The following FRAS1 variants were observed in gnomAD, a reference collection of about 807,000 sequenced individuals.
FRAS1 encodes the protein Fraser extracellular matrix complex subunit 1.
FRAS1 carries 290 observed loss-of-function variants against 435.2 expected under a neutral mutation model. That is an observed-to-expected ratio of 0.67 (90% confidence interval 0.61 to 0.73). FRAS1 has a LOEUF of 0.73. Among genes scored for constraint, FRAS1 ranks in the 30% least tolerant of loss-of-function variants. The pLI is 0.00. For synonymous variants in FRAS1, 1,800 were observed against 1,851.0 expected (o/e 0.97, Z 0.71); for missense variants, 4,860 against 5,001.5 (o/e 0.97, Z 0.85).
chr4:78,102,920 G>T (rs981020938), intron 2 of FRAS1, among the ~76,000 whole-genome samples: 2 of 152,148 alleles, frequency 1.3e-5, no homozygotes, highest in African/African-American at 4.8e-5. Context: ...TTTGGAAATG[G>T]CATGGGGTGT....
At chr4:78,180,114 A>C (rs2867001) in intron 2 of FRAS1, among the ~76,000 whole-genome samples, 1 of 152,186 alleles carries the variant, frequency 6.6e-6, no homozygotes, top group African/African-American at 2.4e-5. Flanking sequence ...ATTCAACAAC[A>C]AATTGAGCAT....
intron 2 of FRAS1, chr4:78,181,916 C>G: frequency 6.2e-7 from 1 of 1,609,794 alleles, no homozygotes; most frequent in Non-Finnish European, 8.5e-7. Context: ...CCCAACGCCA[C>G]CCCTGCCGGC....
intron 14 of FRAS1, among the ~76,000 whole-genome samples, chr4:78,306,991 T>C (rs1728761835): frequency 6.6e-6 from 1 of 152,218 alleles, no homozygotes; most frequent in African/African-American, 2.4e-5. Flanking sequence ...CCCATCTTCG[T>C]GGTTTTATCT....
chr4:78,502,416 C>G (rs890165821), intron 61 of FRAS1, among the ~76,000 whole-genome samples: 1 of 152,258 alleles, frequency 6.6e-6, no homozygotes, highest in South Asian at 2.1e-4. Context: ...TTGTAGTTCT[C>G]CTTGAAGAGG....
At chr4:78,177,815 G>A (rs534545926) in intron 2 of FRAS1, among the ~76,000 whole-genome samples, 2 of 152,206 alleles carry the variant, frequency 1.3e-5, no homozygotes, top group Non-Finnish European at 2.9e-5. Context: ...TGAACACTGT[G>A]TATTACTTCC....
chr4:78,059,152 C>T (rs546233742), intron 1 of FRAS1, among the ~76,000 whole-genome samples: 2 of 152,258 alleles, frequency 1.3e-5, no homozygotes, highest in East Asian at 3.9e-4. Flanking sequence ...CCTTCTCCGC[C>T]CTGGTGCCTA....
chr4:78,515,289 A>G (rs190806914), intron 65 of FRAS1, among the ~76,000 whole-genome samples: 89 of 150,520 alleles, frequency 5.9e-4, no homozygotes, highest in African/African-American at 2.1e-3. Flanking sequence ...CAGAAACTGT[A>G]TGAGCAAGAA....
intron 14 of FRAS1, among the ~76,000 whole-genome samples, chr4:78,302,658 G>C (rs1728472604): frequency 6.6e-6 from 1 of 151,990 alleles, no homozygotes; most frequent in Non-Finnish European, 1.5e-5. Flanking sequence ...GTCTTCTTTT[G>C]AGAAATGTCT....
At chr4:78,093,100 CA>C (rs1308928042) in intron 2 of FRAS1, among the ~76,000 whole-genome samples, 1 of 152,184 alleles carries the variant, frequency 6.6e-6, no homozygotes, top group Non-Finnish European at 1.5e-5. Flanking sequence ...TGGTTCACCA[CA>C]GGAAAATTCT....
intron 61 of FRAS1, among the ~76,000 whole-genome samples, chr4:78,500,624 C>A (rs1465446896): frequency 1.3e-5 from 2 of 152,268 alleles, no homozygotes; most frequent in East Asian, 1.9e-4. Context: ...GCTAGGAGAA[C>A]TTTTTAGAGC....
At chr4:78,437,749 C>T (rs1734486644) in intron 38 of FRAS1, among the ~76,000 whole-genome samples, 1 of 152,148 alleles carries the variant, frequency 6.6e-6, no homozygotes, top group African/African-American at 2.4e-5. Context: ...GGGCAGAGTG[C>T]CCCCATTTTC....
At chr4:78,241,671 A>G (rs1181854188) in intron 3 of FRAS1, among the ~76,000 whole-genome samples, 1 of 152,114 alleles carries the variant, frequency 6.6e-6, no homozygotes, top group Non-Finnish European at 1.5e-5. Flanking sequence ...AAAGACTGGA[A>G]GGTAAAGAAG....
At chr4:78,161,870 C>T (rs74702306) in intron 2 of FRAS1, among the ~76,000 whole-genome samples, 276 of 151,112 alleles carry the variant, frequency 1.8e-3, no homozygotes, top group African/African-American at 6.4e-3. Flanking sequence ...GGAGACTTCT[C>T]TTCGCCATCC....
chr4:78,115,300 T>C (rs1743069316), intron 2 of FRAS1, among the ~76,000 whole-genome samples: 1 of 152,206 alleles, frequency 6.6e-6, no homozygotes, highest in Admixed American at 6.5e-5. Flanking sequence ...ATTTTTTTGT[T>C]GTGTCTCTGC....
Position 78,407,816 on chromosome 4 carries a change from C to T in FRAS1, c.4283C>T (p.Ala1428Val). 6.2e-7 allele frequency: 1 copy of T among 1,608,264 alleles called. No homozygotes were observed. Among genetic ancestry groups the T allele is most frequent in the Non-Finnish European group, 8.5e-7 (1 of 1,177,036 alleles). ...TGGTACAGGCACTCAGGAGCCCCAG[C>T]CCAGAGCGACTCCTTCCGCTTCGAG... is the stretch of plus-strand genomic sequence containing the variant. The part of the protein sequence containing the change: ...IVWYRHSGAP[A>V]QSDSFRFEVS... The change falls in exon 31 of 74, where the codon GCC becomes GTC. Residue 1428 changes from alanine to valine, a missense_variant. Physicochemically the swap from Ala to Val is moderately conservative, Grantham distance 64. Coordinates refer to ENST00000512123, the MANE Select transcript of FRAS1 (RefSeq NM_025074.7).
chr4:78,455,046 T>C (rs1488569288), intron 47 of FRAS1, among the ~76,000 whole-genome samples: 1 of 152,140 alleles, frequency 6.6e-6, no homozygotes, highest in African/African-American at 2.4e-5. Flanking sequence ...TACCAGTTTT[T>C]CTCAATCTGC....
chr4:78,065,112 A>G (rs928882165), intron 1 of FRAS1, among the ~76,000 whole-genome samples: 1 of 146,000 alleles, frequency 6.8e-6, no homozygotes, highest in Non-Finnish European at 1.5e-5. Flanking sequence ...TAAATACTAC[A>G]TATGCTATTT....
In FRAS1 at chr4:78,387,741, G is replaced by C. The variant is rs867794658; in HGVS notation, c.3975+40G>C. On this transcript the variant is annotated intron_variant, in intron 29 of 73. Transcript: ENST00000512123. Reference sequence around the variant, plus strand: ...TAGAGTTACAGTTTCTTTGCACCTAGATGTGAACTTCTACGGTTGATATTA... The same window carrying C: ...TAGAGTTACAGTTTCTTTGCACCTACATGTGAACTTCTACGGTTGATATTA... The C allele has an allele frequency of 4.6e-6, 6 of 1,294,920 alleles. No individual in the cohort carries two copies. The Middle Eastern group carries it at 1.2e-3, about 251-fold the overall frequency. The allele number at this position is 1,294,920 out of a possible 1,614,324, so 80.2% of individuals were successfully genotyped here. A position where few individuals can be genotyped will look rare whatever the true frequency, so the allele number is the denominator to read the frequency against.
At chr4:78,296,248 C>T (rs973474007) in intron 14 of FRAS1, among the ~76,000 whole-genome samples, 4 of 151,376 alleles carry the variant, frequency 2.6e-5, no homozygotes, top group Non-Finnish European at 5.9e-5. Context: ...ATTTTTTTTA[C>T]GTGTTTGTAC....
Sources: gnomAD v4.1 joint callset for allele counts (sites outside exome capture counted in the v4.1 genomes callset) on GRCh38, gnomAD v4.1.1 for gene constraint, MANE v1.5 for transcripts, NCBI Gene and HGNC (gene_info 2026-07-23, HGNC 2026-07-21) for gene names.